The following DOCK4 variants were observed in gnomAD, a reference collection of about 807,000 sequenced individuals.
DOCK4 encodes dedicator of cytokinesis 4.
DOCK4 carries 97 observed loss-of-function variants against 268.1 expected under a neutral mutation model. That is an observed-to-expected ratio of 0.36 (90% CI 0.31 to 0.43). The LOEUF is 0.43. DOCK4 is among the 20% of genes least tolerant of loss of function. DOCK4 has a pLI of 1.00. For synonymous variants in DOCK4, 954 were observed against 887.2 expected (o/e 1.08, Z -1.34); for missense variants, 2,145 against 2,455.7 (o/e 0.87, Z 2.67).
At chr7:111,907,011 T>A (rs759547472) in intron 13 of DOCK4, among the ~76,000 whole-genome samples, 20 of 152,274 alleles carry the variant, frequency 1.3e-4, no homozygotes, top group Non-Finnish European at 2.6e-4. Context: ...GACTTCCATA[T>A]CCAAGCTTCT....
chr7:112,177,187 A>G (rs2729548), intron 1 of DOCK4, among the ~76,000 whole-genome samples: 19,511 of 152,090 alleles, frequency 0.13, 2,421 homozygotes, highest in African/African-American at 0.32. Flanking sequence ...AGGCTGAGGT[A>G]TTTGTTAAGA....
chr7:111,849,520 C>A (rs991395303), intron 23 of DOCK4, among the ~76,000 whole-genome samples: 3 of 152,144 alleles, frequency 2.0e-5, no homozygotes, highest in African/African-American at 7.2e-5. Context: ...TCCTCGGCCT[C>A]CCAAAGTGCT....
At chr7:112,135,797 C>T (rs1176141136) in intron 1 of DOCK4, among the ~76,000 whole-genome samples, 4 of 150,072 alleles carry the variant, frequency 2.7e-5, no homozygotes, top group African/African-American at 9.8e-5. Flanking sequence ...TGAACCAGTA[C>T]AAATTACCCC....
intron 1 of DOCK4, among the ~76,000 whole-genome samples, chr7:112,064,684 C>T (rs554606616): frequency 6.7e-6 from 1 of 149,626 alleles, no homozygotes; most frequent in Non-Finnish European, 1.5e-5. Flanking sequence ...CTGTGCCCCC[C>T]CTTCAAGACT....
intron 8 of DOCK4, among the ~76,000 whole-genome samples, chr7:111,962,109 C>T (rs565293834): frequency 2.6e-5 from 4 of 152,110 alleles, no homozygotes; most frequent in East Asian, 1.9e-4. Flanking sequence ...TCTTCCATTG[C>T]GGAAGTATTT....
At chr7:111,798,975 G>C (rs1226636340) in intron 30 of DOCK4, among the ~76,000 whole-genome samples, 2 of 152,152 alleles carry the variant, frequency 1.3e-5, no homozygotes, top group African/African-American at 4.8e-5. Flanking sequence ...TGCATTGCAG[G>C]GGACATCAGA....
Position 111,853,365 on chromosome 7 carries a change from T to C in DOCK4, c.2474-6239A>G, listed in dbSNP as rs192335539. On this transcript the variant is annotated intron_variant, in intron 23 of 52. Transcript: ENST00000428084. ...AGGGGCGGCCTCAGTACGGGGAGATTGTAAACAAGGGAGGCAGAAGGACAT... is the reference window on the plus strand; with the variant it reads ...AGGGGCGGCCTCAGTACGGGGAGATCGTAAACAAGGGAGGCAGAAGGACAT... Among the ~76,000 whole-genome samples, 608 of 152,202 alleles carry C rather than the reference T, an allele frequency of 4.0e-3. 5 individuals are homozygous for C. Among genetic ancestry groups the C allele is most frequent in the African/African-American group, 0.014 (583 of 41,544 alleles).
At chr7:112,112,211 T>C (rs1811721146) in intron 1 of DOCK4, among the ~76,000 whole-genome samples, 2 of 152,078 alleles carry the variant, frequency 1.3e-5, no homozygotes, top group African/African-American at 2.4e-5. Flanking sequence ...GCCTTCACTG[T>C]TGTAATGAGT....
At chr7:111,769,789 G>T (rs150474435) in intron 36 of DOCK4, 112 bp from the exon 37 acceptor site, 2 of 1,291,176 alleles carry the variant, frequency 1.5e-6, no homozygotes, top group Non-Finnish European at 1.1e-6. Flanking sequence ...TCTAAATTTC[G>T]TGATATAGCA....
At chr7:112,000,775 C>T (rs1184158423) in intron 2 of DOCK4, among the ~76,000 whole-genome samples, 2 of 152,124 alleles carry the variant, frequency 1.3e-5, no homozygotes, top group Admixed American at 6.5e-5. Context: ...CAGAAAAATA[C>T]ATAATGTGAA....
intron 1 of DOCK4, among the ~76,000 whole-genome samples, chr7:112,010,469 G>T (rs1359760581): frequency 6.6e-6 from 1 of 152,202 alleles, no homozygotes; most frequent in Non-Finnish European, 1.5e-5. Context: ...CTCCCAGGTG[G>T]CTATGTGTGT....
chr7:111,959,446 A>C (rs1474792201), intron 8 of DOCK4, among the ~76,000 whole-genome samples: 2 of 152,222 alleles, frequency 1.3e-5, no homozygotes, highest in Non-Finnish European at 2.9e-5. Flanking sequence ...CTCCTAATTT[A>C]TATAACAATA....
intron 11 of DOCK4, among the ~76,000 whole-genome samples, chr7:111,939,781 G>A (rs1795054635): frequency 6.6e-6 from 1 of 152,074 alleles, no homozygotes. Flanking sequence ...ACTTCAAAAA[G>A]TACTTTCACT....
In DOCK4 at chr7:112,198,165, G is replaced by C. The variant is rs139024470; in HGVS notation, c.37+7937C>G. On this transcript the variant is annotated intron_variant, in intron 1 of 52. Transcript: ENST00000428084. ...ACTTGGGGAGGTAATTAGGCCATGA[G>C]GGGGAGCCTTCATGATGGGATTCGT... 4.6e-5 allele frequency among the ~76,000 whole-genome samples: 7 copies of C among 152,068 alleles called. No individual in the cohort carries two copies. The East Asian group carries it at 5.8e-4, about 13-fold the overall frequency.
At chr7:112,110,375 T>C (rs1004111710) in intron 1 of DOCK4, among the ~76,000 whole-genome samples, 1 of 152,198 alleles carries the variant, frequency 6.6e-6, no homozygotes, top group African/African-American at 2.4e-5. Context: ...CAGGGTGATA[T>C]ATTTATAGAT....
At chr7:112,042,094 C>T (rs1369666887) in intron 1 of DOCK4, among the ~76,000 whole-genome samples, 1 of 152,020 alleles carries the variant, frequency 6.6e-6, no homozygotes, top group Non-Finnish European at 1.5e-5. Flanking sequence ...TTGTGAACAG[C>T]CACTGCGCTC....
chr7:112,108,505 T>G (rs1439837724), intron 1 of DOCK4, among the ~76,000 whole-genome samples: 1 of 152,218 alleles, frequency 6.6e-6, no homozygotes, highest in African/African-American at 2.4e-5. Context: ...CACCATTAAT[T>G]ACACTACTTC....
chr7:112,159,673 C>T (rs753282577), intron 1 of DOCK4, among the ~76,000 whole-genome samples: 47 of 152,014 alleles, frequency 3.1e-4, no homozygotes, highest in Non-Finnish European at 5.3e-4. Context: ...CTACCCCAGA[C>T]GCTTTCCCTA....
intron 1 of DOCK4, among the ~76,000 whole-genome samples, chr7:112,157,200 T>C (rs1202814264): frequency 6.6e-6 from 1 of 152,266 alleles, no homozygotes; most frequent in East Asian, 1.9e-4. Context: ...CTCACAGTAT[T>C]GTGGGAGGAC....
Sources: allele counts gnomAD v4.1 joint callset (sites outside exome capture counted in the v4.1 genomes callset), GRCh38; gene constraint gnomAD v4.1.1; transcripts MANE v1.5; gene names NCBI Gene and HGNC (gene_info 2026-07-23, HGNC 2026-07-21).